SSBP3: variants seen among roughly 807,000 people sequenced by gnomAD.
SSBP3 encodes the protein single-stranded DNA-binding protein 3.
SSBP3 carries 5 observed loss-of-function variants against 69.6 expected under a neutral mutation model. That is an observed-to-expected ratio of 0.07 (90% CI 0.04 to 0.15). The LOEUF (loss-of-function observed/expected upper bound fraction) is 0.15, where lower values mean the gene tolerates loss of function less well. Among genes scored for constraint, SSBP3 ranks in the 10% least tolerant of loss-of-function variants. SSBP3 has a pLI of 1.00. For missense variants in SSBP3, 312 were observed against 534.0 expected, an observed-to-expected ratio of 0.58 and a Z score of 4.10; for synonymous variants, 196 against 193.4, an observed-to-expected ratio of 1.01 and a Z score of -0.11.
At chr1:54,253,173 TG>T (rs1644860628) in intron 7 of SSBP3, among the ~76,000 whole-genome samples, 6 of 97,182 alleles carry the variant, frequency 6.2e-5, no homozygotes, top group Admixed American at 1.8e-4. Context: ...TATTTGTTTT[TG>T]TTTTTTTTTT....
intron 4 of SSBP3, among the ~76,000 whole-genome samples, chr1:54,357,728 C>T (rs1355956526): frequency 1.3e-5 from 2 of 152,240 alleles, no homozygotes; most frequent in Non-Finnish European, 2.9e-5. Context: ...ATAGCAAGAC[C>T]TTTTCTCTCA....
At chr1:54,336,370 CCTCCTTCCCTCCTTTT>C (rs945068887) in intron 4 of SSBP3, among the ~76,000 whole-genome samples, 1 of 152,144 alleles carries the variant, frequency 6.6e-6, no homozygotes, top group African/African-American at 2.4e-5. Context: ...GACTGCCTCT[CCTCCTTCCCTCCTTTT>C]CTCCTTCCCT....
chr1:54,379,476 A>G (rs991854994), intron 4 of SSBP3, among the ~76,000 whole-genome samples: 2 of 151,870 alleles, frequency 1.3e-5, no homozygotes, highest in Admixed American at 1.3e-4. Flanking sequence ...AGACAACAGA[A>G]CCCTCAGGGC....
At chr1:54,286,163 AAC>A (rs1325220882) in intron 4 of SSBP3, among the ~76,000 whole-genome samples, 1 of 152,126 alleles carries the variant, frequency 6.6e-6, no homozygotes, top group African/African-American at 2.4e-5. Context: ...GCCCACAGAT[AAC>A]AGTGGGTGAC....
intron 5 of SSBP3, among the ~76,000 whole-genome samples, chr1:54,268,561 C>T (rs1645140953): frequency 6.6e-6 from 1 of 152,208 alleles, no homozygotes; most frequent in South Asian, 2.1e-4. Context: ...TCCAGAATGC[C>T]CCTAATTCAA....
chr1:54,324,616 T>C (rs1646269367), intron 4 of SSBP3, among the ~76,000 whole-genome samples: 1 of 152,036 alleles, frequency 6.6e-6, no homozygotes, highest in African/African-American at 2.4e-5. Context: ...CAGCCTGATT[T>C]ACAGAATTTA....
intron 4 of SSBP3, among the ~76,000 whole-genome samples, chr1:54,382,999 A>AG (rs1557581654): frequency 2.0e-5 from 3 of 150,818 alleles, no homozygotes; most frequent in Non-Finnish European, 4.4e-5. Flanking sequence ...AAAAAAAAAA[A>AG]AAGAAGAGAG....
chr1:54,239,422 C>G (rs1644564176), intron 13 of SSBP3, among the ~76,000 whole-genome samples: 1 of 152,202 alleles, frequency 6.6e-6, no homozygotes, highest in Non-Finnish European at 1.5e-5. Context: ...GGACACGGCA[C>G]AGGGGGATTA....
At chr1:54,382,585 A>AT (rs545469464) in intron 4 of SSBP3, among the ~76,000 whole-genome samples, 46 of 152,354 alleles carry the variant, frequency 3.0e-4, no homozygotes, top group African/African-American at 9.9e-4. Flanking sequence ...TTTGGATAAA[A>AT]TATCTTCCTA....
intron 4 of SSBP3, among the ~76,000 whole-genome samples, chr1:54,320,553 C>T (rs1014226989): frequency 5.3e-5 from 8 of 152,088 alleles, no homozygotes; most frequent in African/African-American, 1.7e-4. Context: ...CTCCTGACCT[C>T]GTGATCCGCC....
intron 4 of SSBP3, among the ~76,000 whole-genome samples, chr1:54,397,107 C>T (rs1334996812): frequency 6.6e-6 from 1 of 152,246 alleles, no homozygotes; most frequent in Non-Finnish European, 1.5e-5. Context: ...TAATCTGCCA[C>T]ACAAGGGTGC....
chr1:54,266,915 C>T (rs1414904165), intron 5 of SSBP3, among the ~76,000 whole-genome samples: 1 of 152,242 alleles, frequency 6.6e-6, no homozygotes, highest in African/African-American at 2.4e-5. Flanking sequence ...GCGCTCACGT[C>T]CAGCTGGCTG....
intron 5 of SSBP3, among the ~76,000 whole-genome samples, chr1:54,264,208 G>A (rs986041091): frequency 6.6e-6 from 1 of 152,066 alleles, no homozygotes; most frequent in Non-Finnish European, 1.5e-5. Context: ...AGACAGAGGT[G>A]GGAGGATCCC....
chr1:54,341,866 G>A (rs1646614571), intron 4 of SSBP3, among the ~76,000 whole-genome samples: 1 of 151,996 alleles, frequency 6.6e-6, no homozygotes, highest in Non-Finnish European at 1.5e-5. Context: ...AGAGAGAGGG[G>A]GAGAGAAGCA....
chr1:54,251,696 C>A lies in SSBP3; in HGVS notation c.575-4G>T. 1 of 1,561,730 alleles carries A rather than the reference C, an allele frequency of 6.4e-7. No homozygotes were observed. The highest frequency in any genetic ancestry group is 8.7e-7 in the Non-Finnish European group (1 of 1,151,436). ...GATCCTCCCATGTTGGGGTGGCCTG[C>A]GTGAGAGAGGAGGCGCGTCATGGGA... On this transcript the variant is annotated splice_region_variant and splice_polypyrimidine_tract_variant and intron_variant, in intron 8 of 17. Transcript: ENST00000610401.
intron 4 of SSBP3, among the ~76,000 whole-genome samples, chr1:54,314,074 T>C (rs963763517): frequency 2.6e-5 from 4 of 152,216 alleles, no homozygotes; most frequent in African/African-American, 9.6e-5. Flanking sequence ...AGATTTTCAC[T>C]TTTCAGATCT....
At chr1:54,411,860 C>A (rs12137312) in intron 1 of SSBP3, among the ~76,000 whole-genome samples, 16,945 of 145,864 alleles carry the variant, frequency 0.12, 1,436 homozygotes, top group Admixed American at 0.31. Context: ...TCACTGCACT[C>A]CAGCCTGGGG....
intron 5 of SSBP3, among the ~76,000 whole-genome samples, chr1:54,271,870 A>C (rs1379920833): frequency 6.6e-6 from 1 of 152,048 alleles, no homozygotes; most frequent in African/African-American, 2.4e-5. Flanking sequence ...CCTGGGTTCA[A>C]GCGATTCTCT....
Position 54,229,845 on chromosome 1 carries a change from C to CATCCGAGCCCATCCG in SSBP3, c.928-1020_928-1019insCGGATGGGCTCGGAT, listed in dbSNP as rs544702624. On this transcript the variant is annotated intron_variant, in intron 14 of 17. Transcript: ENST00000610401. ...GCTGAGTCACACCTGAGCCCCAGCC[C>CATCCGAGCCCATCCG]AGAGGAGCAGCTCACGGATACCCAA... Among the ~76,000 whole-genome samples the CATCCGAGCCCATCCG allele has an allele frequency of 9.2e-5, 14 of 152,276 alleles. No homozygotes were observed. The East Asian group carries it at 2.7e-3, about 29-fold the overall frequency.
Sources: allele counts gnomAD v4.1 joint callset (sites outside exome capture counted in the v4.1 genomes callset), GRCh38; gene constraint gnomAD v4.1.1; transcripts MANE v1.5; gene names NCBI Gene and HGNC (gene_info 2026-07-23, HGNC 2026-07-21).